Variants in BPIFB1 observed in about 807,000 individuals in gnomAD.
BPIFB1 encodes BPI fold containing family B member 1.
A neutral mutation model predicts 55.1 loss-of-function variants in BPIFB1; 34 were observed. The ratio of observed to expected loss-of-function variants is 0.62; its 90% CI spans 0.47 to 0.82. The LOEUF is 0.82. Ranked by LOEUF, BPIFB1 falls within the 40% of genes least tolerant of loss-of-function variation. The pLI is 0.00. For missense variants in BPIFB1, 532 were observed against 593.1 expected (o/e 0.90, Z 1.07); for synonymous variants, 236 against 245.3 (o/e 0.96, Z 0.35).
intron 13 of BPIFB1, 38 bp from the exon 14 acceptor site, chr20:33,305,964 C>A (rs762269664): frequency 7.5e-6 from 12 of 1,609,948 alleles, no homozygotes; most frequent in Non-Finnish European, 1.0e-5. Flanking sequence ...ACTTCAGATG[C>A]TCAACCAGGG....
intron 4 of BPIFB1, among the ~76,000 whole-genome samples, chr20:33,290,488 G>C (rs1980431092): frequency 1.3e-5 from 2 of 152,126 alleles, no homozygotes; most frequent in African/African-American, 4.8e-5. Flanking sequence ...ATTGGATTCT[G>C]GATATGTTTT....
At chr20:33,304,735 G>GC (rs71338472) in intron 12 of BPIFB1, 111 bp from the exon 13 acceptor site, 35,572 of 1,358,220 alleles carry the variant, frequency 0.026, 615 homozygotes, top group Middle Eastern at 0.042. Flanking sequence ...GTTCACTGGA[G>GC]CCCGCACTGT....
At chr20:33,305,020 C>G (rs1011236183) in intron 13 of BPIFB1, 129 bp downstream of exon 13, 1 of 1,057,686 alleles carries the variant, frequency 9.5e-7, no homozygotes, top group African/African-American at 1.6e-5. Flanking sequence ...GCTGGCCGGT[C>G]TCCACCAAAG....
chr20:33,303,884 C>A, intron 11 of BPIFB1, 74 bp from the exon 12 acceptor site: 2 of 1,467,286 alleles, frequency 1.4e-6, no homozygotes, highest in Non-Finnish European at 9.5e-7. Flanking sequence ...GACCCCAGAG[C>A]CTCCCTGCAT....
intron 2 of BPIFB1, among the ~76,000 whole-genome samples, chr20:33,287,698 G>A (rs1040884815): frequency 6.6e-6 from 1 of 152,162 alleles, no homozygotes; most frequent in Admixed American, 6.5e-5. Context: ...ACCTGCCAGG[G>A]GGCCAATAAA....
chr20:33,306,026 A>G lies in BPIFB1; in HGVS notation c.1279A>G (p.Thr427Ala). The G allele has an allele frequency of 6.2e-7, 1 of 1,614,074 alleles. No individual in the cohort carries two copies. Among genetic ancestry groups the G allele is most frequent in the Non-Finnish European group, 8.5e-7 (1 of 1,180,006 alleles). The change falls in exon 14 of 16, where the codon ACT (threonine) becomes GCT (alanine). Residue 427 changes from threonine (T) to alanine (A), a missense_variant. Transcript: ENST00000253354. Reference protein sequence around the residue: ...FQPDVLKNIITEIIHSILLPN... With the variant: ...FQPDVLKNIIAEIIHSILLPN... ...GCCTGATGTTCTGAAAAACATCATC[A>G]CTGAGATCATCCACTCCATCCTGCT...
At position 33,306,104 on chromosome 20, in the gene BPIFB1, G is replaced by T. The variant is rs886791257; in HGVS notation, c.1318+39G>T. On this transcript the variant is annotated intron_variant, in intron 14 of 15. Coordinates refer to ENST00000253354, the MANE Select transcript of BPIFB1 (RefSeq NM_033197.3). ...CCATCTGTGCCCCCTCTCTCCCCAG[G>T]GCTTGGCTTTACTTCCCCTGCCCTC... The T allele has an allele frequency of 2.5e-6, 4 of 1,610,762 alleles. No homozygotes were observed. In the African/African-American group the frequency reaches 4.0e-5, roughly 16 times the overall value.
At chr20:33,293,609 G>C (rs965336403) in intron 6 of BPIFB1, among the ~76,000 whole-genome samples, 3 of 152,230 alleles carry the variant, frequency 2.0e-5, no homozygotes, top group African/African-American at 4.8e-5. Context: ...AGGTCGAGGC[G>C]GGAGGATCAC....
intron 13 of BPIFB1, among the ~76,000 whole-genome samples, chr20:33,305,330 T>C (rs887118915): frequency 2.7e-5 from 4 of 147,862 alleles, no homozygotes; most frequent in Non-Finnish European, 4.5e-5. Context: ...TTTTTTTTTT[T>C]TTTTTGAGAT....
intron 8 of BPIFB1, 74 bp downstream of exon 8, chr20:33,300,058 A>G (rs1002215922): frequency 3.8e-6 from 5 of 1,314,352 alleles, no homozygotes; most frequent in East Asian, 2.3e-5. Context: ...GTCAGATAGC[A>G]TGGGCCTGTG....
intron 7 of BPIFB1, 74 bp from the exon 8 acceptor site, chr20:33,299,825 G>A: frequency 1.5e-6 from 2 of 1,298,662 alleles, no homozygotes; most frequent in Non-Finnish European, 2.2e-6. Context: ...AGCTCCACCT[G>A]GAAGCAGCCC....
At chr20:33,285,905 T>C in intron 1 of BPIFB1, 128 bp from the exon 2 acceptor site, 1 of 607,300 alleles carries the variant, frequency 1.6e-6, no homozygotes. Flanking sequence ...TGCCTAAGGC[T>C]ACACAGCTAG....
At position 33,305,068 on chromosome 20, in the gene BPIFB1, G is replaced by A. The variant is rs62209753; in HGVS notation, c.1254+177G>A. 5.0e-3 allele frequency among the ~76,000 whole-genome samples: 766 copies of A among 152,236 alleles called. 4 individuals carry two copies. Among genetic ancestry groups the A allele is most frequent in the African/African-American group, 0.014 (579 of 41,530 alleles). On this transcript the variant is annotated intron_variant, in intron 13 of 15. Transcript: ENST00000253354. ...CGAGTGTTTACAGAGAAGCCACCAC[G>A]TGTCAGACACAGCTGAGAACACACA... is the stretch of plus-strand genomic sequence containing the variant.
chr20:33,301,679 C>T (rs1375450771), intron 9 of BPIFB1, among the ~76,000 whole-genome samples: 1 of 152,176 alleles, frequency 6.6e-6, no homozygotes, highest in African/African-American at 2.4e-5. Flanking sequence ...CAAAAGGCAT[C>T]TTAGATATGC....
chr20:33,303,197 C>T (rs2253335), intron 11 of BPIFB1, 123 bp downstream of exon 11: 507,120 of 1,259,550 alleles, frequency 0.4, 107,158 homozygotes, highest in East Asian at 0.65. Context: ...GGACAGGGGA[C>T]AGGGAGCTCT....
intron 1 of BPIFB1, among the ~76,000 whole-genome samples, chr20:33,284,444 A>G (rs1980199987): frequency 6.6e-6 from 1 of 152,082 alleles, no homozygotes; most frequent in African/African-American, 2.4e-5. Context: ...GCCAACCACT[A>G]TACTGGATGC....
intron 2 of BPIFB1, among the ~76,000 whole-genome samples, chr20:33,286,595 G>A (rs868055802): frequency 6.6e-6 from 1 of 152,234 alleles, no homozygotes; most frequent in African/African-American, 2.4e-5. Context: ...CCCAGGCACA[G>A]TGTATCACTT....
At chr20:33,289,821 AG>A in intron 3 of BPIFB1, 63 bp from the exon 4 acceptor site, 1 of 1,451,308 alleles carries the variant, frequency 6.9e-7, no homozygotes, top group Non-Finnish European at 9.7e-7. Flanking sequence ...AAAGATAGAG[AG>A]GGAGTGGATT....
intron 7 of BPIFB1, chr20:33,299,063 G>A (rs1320609993): frequency 9.3e-6 from 4 of 429,132 alleles, no homozygotes; most frequent in African/African-American, 2.1e-5. Flanking sequence ...ATGTCCTTCC[G>A]ATTTTAGTAC....
Sources: allele counts gnomAD v4.1 joint callset (sites outside exome capture counted in the v4.1 genomes callset), GRCh38; gene constraint gnomAD v4.1.1; transcripts MANE v1.5; gene names NCBI Gene and HGNC (gene_info 2026-07-23, HGNC 2026-07-21).